SCAPER: variants seen among roughly 807,000 people sequenced by gnomAD.
SCAPER encodes S-phase cyclin A associated protein in the ER, also known as S phase cyclin A-associated protein in the endoplasmic reticulum.
SCAPER carries 98 observed loss-of-function variants against 182.2 expected under a neutral mutation model. The ratio of observed to expected loss-of-function variants is 0.54; its 90% CI spans 0.46 to 0.64. SCAPER has a LOEUF of 0.64. SCAPER is among the 30% of genes least tolerant of loss of function. The pLI is 0.00. For synonymous variants in SCAPER, 605 were observed against 564.6 expected, an observed-to-expected ratio of 1.07 and a Z score of -1.01; for missense variants, 1,432 against 1,690.0, an observed-to-expected ratio of 0.85 and a Z score of 2.68.
intron 24 of SCAPER, among the ~76,000 whole-genome samples, chr15:76,493,748 T>C (rs1464402900): frequency 6.6e-6 from 1 of 152,312 alleles, no homozygotes; most frequent in Non-Finnish European, 1.5e-5. Context: ...CCCAGGTGGT[T>C]TGCAGTGTTA....
At chr15:76,535,427 C>A (rs1157603196) in intron 23 of SCAPER, among the ~76,000 whole-genome samples, 1 of 138,768 alleles carries the variant, frequency 7.2e-6, no homozygotes, top group East Asian at 2.2e-4. Context: ...GAGGCTGAGG[C>A]AGGAGAATGG....
At chr15:76,468,263 C>T (rs1314858617) in intron 25 of SCAPER, among the ~76,000 whole-genome samples, 1 of 151,702 alleles carries the variant, frequency 6.6e-6, no homozygotes, top group Admixed American at 6.6e-5. Context: ...GAATTGACAG[C>T]GATAAAATAA....
At chr15:76,401,548 TCTCAAGCAA>T (rs1480771211) in intron 27 of SCAPER, among the ~76,000 whole-genome samples, 1 of 152,196 alleles carries the variant, frequency 6.6e-6, no homozygotes, top group African/African-American at 2.4e-5. Context: ...CTGTCCTCCC[TCTCAAGCAA>T]CTTTAGCAGC....
At chr15:76,819,776 A>G (rs1202453641) in intron 5 of SCAPER, among the ~76,000 whole-genome samples, 1 of 152,220 alleles carries the variant, frequency 6.6e-6, no homozygotes, top group Non-Finnish European at 1.5e-5. Flanking sequence ...TTTGCACAGC[A>G]AAAGAAACCA....
intron 28 of SCAPER, among the ~76,000 whole-genome samples, chr15:76,379,212 T>C (rs949642462): frequency 1.4e-4 from 22 of 151,828 alleles, no homozygotes; most frequent in African/African-American, 4.8e-4. Context: ...GGGTAAAGGG[T>C]ACCTGGAAAC....
At chr15:76,504,581 G>A (rs2041418024) in intron 24 of SCAPER, among the ~76,000 whole-genome samples, 2 of 152,202 alleles carry the variant, frequency 1.3e-5, no homozygotes, top group Admixed American at 6.5e-5. Flanking sequence ...ATTTTTGGAA[G>A]CAGTTAGAAT....
At chr15:76,555,858 G>C (rs1330777505) in intron 23 of SCAPER, among the ~76,000 whole-genome samples, 1 of 152,136 alleles carries the variant, frequency 6.6e-6, no homozygotes, top group Non-Finnish European at 1.5e-5. Flanking sequence ...TTTGTAACTT[G>C]ATCTCAACAT....
chr15:76,894,249 C>CT (rs1414422949), intron 1 of SCAPER, among the ~76,000 whole-genome samples: 1 of 123,468 alleles, frequency 8.1e-6, no homozygotes, highest in Non-Finnish European at 2.0e-5. Flanking sequence ...GAAATTTCAA[C>CT]TCAAAAAAAA....
At chr15:76,359,151 T>C (rs1231095058) in intron 29 of SCAPER, among the ~76,000 whole-genome samples, 1 of 152,230 alleles carries the variant, frequency 6.6e-6, no homozygotes, top group Non-Finnish European at 1.5e-5. Context: ...CCGCTAGACC[T>C]GAAGCCCCCT....
At chr15:76,715,975 A>T (rs115599110) in intron 17 of SCAPER, among the ~76,000 whole-genome samples, 2,368 of 152,262 alleles carry the variant, frequency 0.016, 60 homozygotes, top group African/African-American at 0.055. Context: ...ACTTGGCTCC[A>T]CAGCTGCTCT....
intron 24 of SCAPER, among the ~76,000 whole-genome samples, chr15:76,474,400 T>C (rs1444051788): frequency 6.6e-6 from 1 of 152,184 alleles, no homozygotes; most frequent in East Asian, 1.9e-4. Flanking sequence ...CTGTCTGATA[T>C]AGCTGTATAC....
intron 5 of SCAPER, among the ~76,000 whole-genome samples, chr15:76,822,355 A>G (rs2067645888): frequency 6.6e-6 from 1 of 152,246 alleles, no homozygotes; most frequent in Non-Finnish European, 1.5e-5. Flanking sequence ...AAAGAAAGAA[A>G]AAGAAGGAAA....
intron 24 of SCAPER, among the ~76,000 whole-genome samples, chr15:76,479,927 G>T (rs2050966546): frequency 1.3e-5 from 2 of 152,240 alleles, no homozygotes; most frequent in African/African-American, 4.8e-5. Context: ...TCTGTGCCAA[G>T]TAGGGATAGC....
intron 14 of SCAPER, among the ~76,000 whole-genome samples, chr15:76,763,346 TG>T (rs943372701): frequency 3.7e-5 from 1 of 26,784 alleles, no homozygotes; most frequent in Non-Finnish European, 7.5e-5. Context: ...ATTTCTGGGG[TG>T]GGGGGTGGTG....
intron 15 of SCAPER, among the ~76,000 whole-genome samples, chr15:76,752,327 C>G (rs2062139828): frequency 6.6e-6 from 1 of 151,686 alleles, no homozygotes; most frequent in Non-Finnish European, 1.5e-5. Context: ...CATGGTGATT[C>G]CTCAAAAAAT....
intron 23 of SCAPER, chr15:76,567,396 C>G (rs1193042719): frequency 6.7e-6 from 3 of 449,542 alleles, no homozygotes; most frequent in Non-Finnish European, 1.3e-5. Flanking sequence ...GCTTTCCATA[C>G]AGTATATACC....
intron 27 of SCAPER, among the ~76,000 whole-genome samples, chr15:76,392,147 C>T (rs147073943): frequency 1.3e-5 from 2 of 152,158 alleles, no homozygotes; most frequent in Middle Eastern, 3.4e-3. Flanking sequence ...CTATCATGGC[C>T]TTGTTATGAA....
chr15:76,832,618 T>C (rs929340212), intron 5 of SCAPER, among the ~76,000 whole-genome samples: 2 of 152,182 alleles, frequency 1.3e-5, no homozygotes, highest in African/African-American at 4.8e-5. Context: ...TAATCCCCAG[T>C]GCTGGAGGGC....
At chr15:76,464,098 G>A (rs1268299240) in intron 25 of SCAPER, among the ~76,000 whole-genome samples, 1 of 128,688 alleles carries the variant, frequency 7.8e-6, no homozygotes, top group Non-Finnish European at 1.6e-5. Flanking sequence ...TATGCACATT[G>A]TTGTAAAATG....
Sources: gnomAD v4.1 joint callset for allele counts (sites outside exome capture counted in the v4.1 genomes callset) on GRCh38, gnomAD v4.1.1 for gene constraint, MANE v1.5 for transcripts, NCBI Gene and HGNC (gene_info 2026-07-23, HGNC 2026-07-21) for gene names.